Variants in EXD3 observed in about 807,000 individuals in gnomAD.
EXD3 encodes the protein exonuclease 3'-5' domain containing 3, also known as exonuclease mut-7 homolog.
Under a neutral mutation model 98.0 loss-of-function variants are expected in EXD3, and 92 were observed. That is an observed-to-expected ratio of 0.94 (90% confidence interval 0.79 to 1.12). EXD3 has a LOEUF of 1.12. Among genes scored for constraint, EXD3 ranks in the 50% most tolerant of loss-of-function variants. The probability of loss-of-function intolerance (pLI) is 0.00; values close to 1 mark genes in which losing one functional copy is unlikely to be tolerated. For missense variants in EXD3, 1,222 were observed against 1,191.6 expected, an observed-to-expected ratio of 1.03 and a Z score of -0.38; for synonymous variants, 569 against 526.0, an observed-to-expected ratio of 1.08 and a Z score of -1.12.
chr9:137,319,199 C>T (rs9414690), intron 19 of EXD3, among the ~76,000 whole-genome samples: 53,530 of 152,128 alleles, frequency 0.35, 9,547 homozygotes, highest in East Asian at 0.43. Flanking sequence ...CTGAGCGTGC[C>T]GCTCTCTGCT....
At position 137,394,745 on chromosome 9, in the gene EXD3, GT is replaced by G. The variant is rs1774655297; in HGVS notation, c.55+557del. Among the ~76,000 whole-genome samples, 3 of 152,304 alleles carry G rather than the reference GT, an allele frequency of 2.0e-5. No individual in the cohort carries two copies. The South Asian group carries it at 6.2e-4, about 32-fold the overall frequency. On this transcript the variant is annotated intron_variant, in intron 2 of 21. Coordinates refer to ENST00000340951, the MANE Select transcript of EXD3 (RefSeq NM_017820.5). Reference sequence around the variant, plus strand: ...CTCCCCGGCTTTGCCCACAGGGAAGGTGCCTCTCATTTCTCTTTTTTAACCT... The same window carrying G: ...CTCCCCGGCTTTGCCCACAGGGAAGGGCCTCTCATTTCTCTTTTTTAACCT...
chr9:137,382,168 T>TGTGGAGGAGGTGAGG lies in EXD3; in HGVS notation c.120+1144_120+1145insCCTCACCTCCTCCAC, dbSNP rs1564194873. Among the ~76,000 whole-genome samples, 4 of 21,286 alleles carry TGTGGAGGAGGTGAGG rather than the reference T, an allele frequency of 1.9e-4. No homozygotes were observed. In the Middle Eastern group the frequency reaches 0.088, roughly 470 times the overall value. The allele number at this position is 21,286 out of a possible 152,430, so 14.0% of individuals were successfully genotyped here. On this transcript the variant is annotated intron_variant, in intron 3 of 21. Transcript: ENST00000340951. ...AGGGCGCGGGGAGGAGGTGGGAGCA[T>TGTGGAGGAGGTGAGG]GCGGAGGAGGTGAGGGCGCGCGGAG...
chr9:137,368,772 C>T (rs1345391309), intron 5 of EXD3, among the ~76,000 whole-genome samples: 2 of 150,368 alleles, frequency 1.3e-5, no homozygotes, highest in Non-Finnish European at 3.0e-5. Flanking sequence ...CCCTGCGCAG[C>T]GCTGACCCGG....
intron 6 of EXD3, 49 bp downstream of exon 6, chr9:137,367,887 G>A: frequency 6.4e-7 from 1 of 1,562,616 alleles, no homozygotes; most frequent in Non-Finnish European, 8.8e-7. Flanking sequence ...AGAGACCTGG[G>A]CGTTATCCAA....
chr9:137,370,590 G>A (rs575013232), intron 5 of EXD3, among the ~76,000 whole-genome samples: 1 of 149,622 alleles, frequency 6.7e-6, no homozygotes, highest in Non-Finnish European at 1.5e-5. Flanking sequence ...AGGCCCAGGA[G>A]CTGCTGCTTT....
At chr9:137,339,311 A>G (rs1833530968) in intron 17 of EXD3, among the ~76,000 whole-genome samples, 1 of 152,118 alleles carries the variant, frequency 6.6e-6, no homozygotes, top group East Asian at 1.9e-4. Context: ...AGAAAAAAAG[A>G]GAAAGGAAAA....
Position 137,407,300 on chromosome 9 carries a change from C to T in EXD3, c.-47-11896G>A, listed in dbSNP as rs1449549080. On this transcript the variant is annotated intron_variant, in intron 1 of 21. Transcript: ENST00000340951. The surrounding 1 kb of genome is among the most constrained non-coding windows in gnomAD (Gnocchi z 4.4). ...TGCAGGCAGAGCCCAGCCCGGCGGC[C>T]GCGGCGAACACGGGGCGGCCCCTCC... Among the ~76,000 whole-genome samples, 1 of 152,188 alleles carries T rather than the reference C, an allele frequency of 6.6e-6. No individual in the cohort carries two copies. Among genetic ancestry groups the T allele is most frequent in the Non-Finnish European group, 1.5e-5 (1 of 68,030 alleles).
chr9:137,400,563 T>G (rs1363890963), intron 1 of EXD3, among the ~76,000 whole-genome samples: 2 of 151,978 alleles, frequency 1.3e-5, no homozygotes, highest in Admixed American at 1.3e-4. Context: ...GTCGGGAGTT[T>G]GAGACCAGCC....
In EXD3 at chr9:137,350,707, C is replaced by T. The variant is rs574942025; in HGVS notation, c.1494+331G>A. ...GCTAGATAGAGAGGGGTGGGGATCA[C>T]GGGGAGGGGGCTAGATAGAGCCCCA... On this transcript the variant is annotated intron_variant, in intron 14 of 21. Coordinates refer to ENST00000340951, the MANE Select transcript of EXD3 (RefSeq NM_017820.5). Among the ~76,000 whole-genome samples, 837 of 97,136 alleles carry T rather than the reference C, an allele frequency of 8.6e-3. 5 individuals are homozygous for T. The highest frequency in any genetic ancestry group is 0.03 in the African/African-American group (774 of 25,432). The allele number at this position is 97,136 out of a possible 152,430, so 63.7% of individuals were successfully genotyped here.
At chr9:137,350,756 C>T (rs1834255832) in intron 14 of EXD3, among the ~76,000 whole-genome samples, 1 of 151,892 alleles carries the variant, frequency 6.6e-6, no homozygotes, top group South Asian at 2.1e-4. Context: ...GCAGCTCCTC[C>T]AAGTGGAACC....
chr9:137,324,723 C>T lies in EXD3; in HGVS notation c.1999-580G>A, dbSNP rs956871738. Among the ~76,000 whole-genome samples the T allele has an allele frequency of 4.6e-5, 7 of 152,200 alleles. No homozygotes were observed. Among genetic ancestry groups the T allele is most frequent in the African/African-American group, 2.4e-5 (1 of 41,442 alleles). On this transcript the variant is annotated intron_variant, in intron 17 of 21. Transcript: ENST00000340951. The surrounding 1 kb of genome is among the most constrained non-coding windows in gnomAD (Gnocchi z 4.1). Reference sequence around the variant, plus strand: ...TTTTTTTGTTTTTTAGACGGAGTCTCGCTCTTTCGCCCAGGCCGGAGTGCA... The same window carrying T: ...TTTTTTTGTTTTTTAGACGGAGTCTTGCTCTTTCGCCCAGGCCGGAGTGCA...
chr9:137,312,846 A>T (rs964899166), intron 19 of EXD3, among the ~76,000 whole-genome samples: 13 of 151,966 alleles, frequency 8.6e-5, no homozygotes, highest in Middle Eastern at 3.2e-3. Context: ...TGAAGGGGCC[A>T]GCGCTGGGCT....
intron 1 of EXD3, among the ~76,000 whole-genome samples, chr9:137,408,443 A>C (rs1422646199): frequency 1.3e-5 from 2 of 150,026 alleles, no homozygotes; most frequent in Non-Finnish European, 3.0e-5. Context: ...GCTACTCCGG[A>C]GGCTGAGGCA....
intron 8 of EXD3, among the ~76,000 whole-genome samples, chr9:137,355,245 G>A (rs914229910): frequency 2.6e-5 from 4 of 152,154 alleles, no homozygotes; most frequent in African/African-American, 9.7e-5. Context: ...GCCTGAGGGG[G>A]CCCCGGGGAG....
intron 8 of EXD3, among the ~76,000 whole-genome samples, chr9:137,355,526 ATGGAGG>A (rs1564508434): frequency 9.7e-5 from 6 of 61,818 alleles, no homozygotes; most frequent in African/African-American, 2.1e-4. Context: ...AGGAAGGAGG[ATGGAGG>A]AAGGAGGAAG....
chr9:137,312,151 G>A (rs1327044146), intron 19 of EXD3, among the ~76,000 whole-genome samples: 1 of 152,192 alleles, frequency 6.6e-6, no homozygotes, highest in Admixed American at 6.5e-5. Context: ...AGACAAGTGG[G>A]GCCTGACGGG....
intron 19 of EXD3, among the ~76,000 whole-genome samples, chr9:137,314,182 C>T (rs979656084): frequency 6.6e-6 from 1 of 152,216 alleles, no homozygotes; most frequent in Non-Finnish European, 1.5e-5. Context: ...AGGCACCAAC[C>T]TGCCCGCCGA....
rs1837565826 is a variant in EXD3, at chr9:137,403,413, ACCCCC to A, written c.-47-8014_-47-8010del. ...ACCCCGTTCCTCTGTAGCCCTCCCC[ACCCCC>A]AGCCCAGCAGCAGCAGCAGCCAGCA... is the stretch of plus-strand genomic sequence containing the variant. On this transcript the variant is annotated intron_variant, in intron 1 of 21. Transcript: ENST00000340951. This position sits in a 1 kb window ranked among gnomAD's most constrained non-coding sequence, Gnocchi z 6.1. Among the ~76,000 whole-genome samples the A allele has an allele frequency of 2.5e-5, 1 of 39,638 alleles. No homozygotes were observed. Among genetic ancestry groups the A allele is most frequent in the Non-Finnish European group, 5.6e-5 (1 of 17,792 alleles). 26.0% of individuals were successfully genotyped at this position (39,638 alleles called of 152,430 possible).
At chr9:137,326,971 C>A (rs1295521712) in intron 17 of EXD3, among the ~76,000 whole-genome samples, 1 of 151,748 alleles carries the variant, frequency 6.6e-6, no homozygotes, top group Non-Finnish European at 1.5e-5. Context: ...GTGAATAAAC[C>A]CTTACGACAC....
Sources: allele counts gnomAD v4.1 joint callset (sites outside exome capture counted in the v4.1 genomes callset), GRCh38; gene constraint gnomAD v4.1.1; non-coding constraint Gnocchi (gnomAD v3.1); transcripts MANE v1.5; gene names NCBI Gene and HGNC (gene_info 2026-07-23, HGNC 2026-07-21).